The following LRRC4C variants were observed in gnomAD, a reference collection of about 807,000 sequenced individuals.
The protein encoded by LRRC4C is leucine rich repeat containing 4C.
Under a neutral mutation model 33.6 loss-of-function variants are expected in LRRC4C, and 5 were observed. The ratio of observed to expected loss-of-function variants is 0.15; its 90% CI spans 0.08 to 0.31. LRRC4C has a LOEUF of 0.31. Ranked by LOEUF, LRRC4C falls within the 10% of genes least tolerant of loss-of-function variation. The pLI is 1.00. For missense variants in LRRC4C, 560 were observed against 796.7 expected (o/e 0.70, Z 3.58); for synonymous variants, 329 against 302.0 (o/e 1.09, Z -0.93).
At chr11:40,163,405 T>TCTCC (rs932123906) in intron 5 of LRRC4C, among the ~76,000 whole-genome samples, 100 of 152,114 alleles carry the variant, frequency 6.6e-4, no homozygotes, top group African/African-American at 2.4e-3. Flanking sequence ...GTAATAAAAC[T>TCTCC]CTCCCTTACA....
chr11:41,023,879 A>G (rs929161610), intron 1 of LRRC4C, among the ~76,000 whole-genome samples: 1 of 151,750 alleles, frequency 6.6e-6, no homozygotes, highest in Non-Finnish European at 1.5e-5. Context: ...AGATACGAAA[A>G]TAGCTTCTTC....
intron 3 of LRRC4C, among the ~76,000 whole-genome samples, chr11:40,461,755 G>T: frequency 6.7e-6 from 1 of 149,716 alleles, no homozygotes; most frequent in African/African-American, 2.4e-5. Context: ...TAAAATATTT[G>T]CATGTAGTCT....
chr11:41,112,418 T>C (rs1941886686), intron 1 of LRRC4C, among the ~76,000 whole-genome samples: 1 of 152,068 alleles, frequency 6.6e-6, no homozygotes, highest in Non-Finnish European at 1.5e-5. Flanking sequence ...TGCTGTCTAT[T>C]AGGTGGGCAA....
chr11:40,942,280 G>C (rs1958188339), intron 1 of LRRC4C, among the ~76,000 whole-genome samples: 1 of 152,134 alleles, frequency 6.6e-6, no homozygotes, highest in Non-Finnish European at 1.5e-5. Flanking sequence ...AGACCCATTG[G>C]ATCTTAAGAG....
At position 40,748,191 on chromosome 11, in the gene LRRC4C, G is replaced by A. The variant is rs138189496; in HGVS notation, c.-406-99913C>T. ...CCTAGAGACCTGTAAAAGAACCCCC[G>A]TTAGAATAACGGCAGTTTTCTCAGG... is the stretch of plus-strand genomic sequence containing the variant. On this transcript the variant is annotated intron_variant, in intron 2 of 6. Transcript: ENST00000528697. 6.9e-4 allele frequency among the ~76,000 whole-genome samples: 105 copies of A among 151,836 alleles called. 1 individual carries two copies. The East Asian group carries it at 0.016, about 23-fold the overall frequency.
chr11:40,305,892 C>T (rs2136701989), intron 4 of LRRC4C, among the ~76,000 whole-genome samples: 1 of 152,336 alleles, frequency 6.6e-6, no homozygotes, highest in Admixed American at 6.5e-5. Flanking sequence ...AATTATTAGT[C>T]ATATTTGCTG....
chr11:41,372,076 G>T (rs926372086), intron 1 of LRRC4C, among the ~76,000 whole-genome samples: 11 of 152,238 alleles, frequency 7.2e-5, no homozygotes, highest in African/African-American at 2.7e-4. Flanking sequence ...GGCAGAAATT[G>T]CAGTGAGCCA....
intron 6 of LRRC4C, among the ~76,000 whole-genome samples, chr11:40,119,784 G>T (rs1445055352): frequency 6.6e-6 from 1 of 152,016 alleles, no homozygotes; most frequent in African/African-American, 2.4e-5. Flanking sequence ...TTGCCTATAA[G>T]CATGACTTTC....
At chr11:41,175,282 T>C (rs1590840547) in intron 1 of LRRC4C, among the ~76,000 whole-genome samples, 1 of 152,332 alleles carries the variant, frequency 6.6e-6, no homozygotes. Flanking sequence ...TATCAAAAAG[T>C]CATTTTACTA....
At chr11:40,573,243 T>C (rs1454873901) in intron 3 of LRRC4C, among the ~76,000 whole-genome samples, 1 of 152,224 alleles carries the variant, frequency 6.6e-6, no homozygotes, top group African/African-American at 2.4e-5. Flanking sequence ...TCATGTTCTA[T>C]ATACCTACAA....
At chr11:41,222,584 G>T (rs16935445) in intron 1 of LRRC4C, among the ~76,000 whole-genome samples, 57 of 152,128 alleles carry the variant, frequency 3.7e-4, no homozygotes, top group Non-Finnish European at 6.2e-4. Flanking sequence ...TAAATGCTGC[G>T]GTGGAAGATC....
Position 40,912,558 on chromosome 11 carries a change from G to A in LRRC4C, c.-407+21077C>T, listed in dbSNP as rs530037571. The stretch of plus-strand genomic sequence containing the variant: ...GCTCCTGAAGGAAGCGCTAAACATG[G>A]AAAGGAACAACTGGTACCAGCCACT... On this transcript the variant is annotated intron_variant, in intron 2 of 6. Coordinates refer to ENST00000528697, the MANE Select transcript of LRRC4C (RefSeq NM_001258419.2). Among the ~76,000 whole-genome samples the A allele has an allele frequency of 6.9e-3, 1,055 of 152,292 alleles. 13 individuals are homozygous for A. The highest frequency in any genetic ancestry group is 0.012 in the Non-Finnish European group (827 of 68,032).
intron 3 of LRRC4C, among the ~76,000 whole-genome samples, chr11:40,486,470 A>G (rs994787982): frequency 2.6e-5 from 4 of 152,070 alleles, no homozygotes; most frequent in African/African-American, 9.7e-5. Flanking sequence ...TCTAACAAGT[A>G]TGATGCATGG....
chr11:40,706,793 C>A (rs184965164), intron 2 of LRRC4C, among the ~76,000 whole-genome samples: 19 of 152,184 alleles, frequency 1.2e-4, no homozygotes, highest in Middle Eastern at 3.4e-3. Flanking sequence ...TCTAAATTAC[C>A]TTGGGCAGTA....
At chr11:41,065,523 C>T (rs1338446081) in intron 1 of LRRC4C, among the ~76,000 whole-genome samples, 2 of 152,128 alleles carry the variant, frequency 1.3e-5, no homozygotes, top group Non-Finnish European at 2.9e-5. Flanking sequence ...AGTGGCTGAT[C>T]CTGACAAGGG....
chr11:40,802,308 C>T (rs1951072869), intron 2 of LRRC4C, among the ~76,000 whole-genome samples: 1 of 152,032 alleles, frequency 6.6e-6, no homozygotes, highest in Non-Finnish European at 1.5e-5. Flanking sequence ...TAGTTGATTT[C>T]CTGCTACACA....
intron 3 of LRRC4C, among the ~76,000 whole-genome samples, chr11:40,592,952 AGAGTGTCCTT>A (rs548783724): frequency 6.6e-6 from 1 of 152,224 alleles, no homozygotes; most frequent in Non-Finnish European, 1.5e-5. Context: ...TCTTTTCTCA[AGAGTGTCCTT>A]GAACTAATAC....
chr11:40,366,934 T>C (rs984888417), intron 3 of LRRC4C, among the ~76,000 whole-genome samples: 4 of 152,092 alleles, frequency 2.6e-5, no homozygotes, highest in Admixed American at 6.6e-5. Context: ...TCATTCCACA[T>C]GGCAATTTGA....
At chr11:40,696,748 G>GTGTGTATA (rs368234307) in intron 2 of LRRC4C, among the ~76,000 whole-genome samples, 10 of 125,896 alleles carry the variant, frequency 7.9e-5, no homozygotes, top group East Asian at 4.7e-4. Flanking sequence ...TATACACTGT[G>GTGTGTATA]TATATATATA....
Sources: allele counts gnomAD v4.1 joint callset (sites outside exome capture counted in the v4.1 genomes callset), GRCh38; gene constraint gnomAD v4.1.1; transcripts MANE v1.5; gene names NCBI Gene and HGNC (gene_info 2026-07-23, HGNC 2026-07-21).